The following ZNF292 variants were observed in gnomAD, a reference collection of about 807,000 sequenced individuals.
The protein encoded by ZNF292 is 16 zinc-finger domain protein.
In ZNF292, 26 loss-of-function variants were observed where a neutral mutation model predicts 217.9. That is an observed-to-expected ratio of 0.12 (90% CI 0.09 to 0.17). The LOEUF is 0.17. Among genes scored for constraint, ZNF292 ranks in the 10% least tolerant of loss-of-function variants. The probability of loss-of-function intolerance (pLI) is 1.00; values close to 1 mark genes in which losing one functional copy is unlikely to be tolerated. For missense variants in ZNF292, 2,904 were observed against 3,175.2 expected, an observed-to-expected ratio of 0.91 and a Z score of 2.05; for synonymous variants, 1,257 against 1,124.1, an observed-to-expected ratio of 1.12 and a Z score of -2.37.
chr6:87,221,453 C>T (rs960154141), intron 4 of ZNF292, among the ~76,000 whole-genome samples: 1 of 152,100 alleles, frequency 6.6e-6, no homozygotes, highest in Non-Finnish European at 1.5e-5. Context: ...TTATGTAGTT[C>T]AGTCTATTCT....
rs68087857 is a variant in ZNF292, at chr6:87,204,554, ATTTTTTTT to A, written c.169-11330_169-11323del. On this transcript the variant is annotated intron_variant, in intron 1 of 7. Coordinates refer to ENST00000369577, the MANE Select transcript of ZNF292 (RefSeq NM_015021.3). Reference sequence around the variant, plus strand: ...TAGGATTTGGTTGGTAACATTTAGGATTTTTTTTTTTTTTTTTTTTTTTTTTGATACTA... The same window carrying A: ...TAGGATTTGGTTGGTAACATTTAGGATTTTTTTTTTTTTTTTTTGATACTA... 5.3e-4 allele frequency among the ~76,000 whole-genome samples: 34 copies of A among 63,634 alleles called. 1 individual carries two copies. Among genetic ancestry groups the A allele is most frequent in the African/African-American group, 1.6e-3 (23 of 14,378 alleles). The allele number at this position is 63,634 out of a possible 152,430, so 41.7% of individuals were successfully genotyped here. A position where few individuals can be genotyped will look rare whatever the true frequency, so the allele number is the denominator to read the frequency against.
In ZNF292 at chr6:87,155,711, G is replaced by A; in HGVS notation, c.120G>A (p.Arg40=). 1 of 1,597,472 alleles carries A rather than the reference G, an allele frequency of 6.3e-7. No individual in the cohort carries two copies. The highest frequency in any genetic ancestry group is 8.5e-7 in the Non-Finnish European group (1 of 1,173,820). ...QELELQLRES[R]VPAVEAATDY... is the part of the protein sequence containing the mutation. ...TGGAGCTACAGCTGCGGGAGAGCCG[G>A]GTACCGGCCGTGGAAGCGGCCACCG... is the stretch of plus-strand genomic sequence containing the variant. The change falls in exon 1 of 8, where the codon CGG becomes CGA. Residue 40 remains arginine (R), a synonymous_variant. Coordinates refer to ENST00000369577, the MANE Select transcript of ZNF292 (RefSeq NM_015021.3).
In ZNF292 at chr6:87,257,514, T is replaced by C; in HGVS notation, c.3885T>C (p.Asn1295=). Residue 1295 remains asparagine (N), a synonymous_variant, in exon 8 of 8, where the codon AAT becomes AAC. Coordinates refer to ENST00000369577, the MANE Select transcript of ZNF292 (RefSeq NM_015021.3). ...SVFSQLENNT[N]HYSSQIEGNT... ...TTTCCCAACTGGAAAATAATACAAA[T>C]CATTATTCCTCACAGATTGAAGGAA... The C allele has an allele frequency of 1.2e-6, 2 of 1,609,604 alleles. No individual in the cohort carries two copies. Among genetic ancestry groups the C allele is most frequent in the Non-Finnish European group, 1.7e-6 (2 of 1,177,712 alleles).
In ZNF292 at chr6:87,188,566, A is replaced by C. The variant is rs189658533; in HGVS notation, c.169-27337A>C. 2.3e-3 allele frequency among the ~76,000 whole-genome samples: 344 copies of C among 152,206 alleles called. 2 individuals are homozygous for C. The highest frequency in any genetic ancestry group is 7.5e-3 in the African/African-American group (313 of 41,546). On this transcript the variant is annotated intron_variant, in intron 1 of 7. Coordinates refer to ENST00000369577, the MANE Select transcript of ZNF292 (RefSeq NM_015021.3). ...TTCAGTGGAAGGATAGAGGAGAGCA[A>C]ATCAGATAACACTAATTTGTAACCA...
chr6:87,193,009 A>T (rs1275074731), intron 1 of ZNF292, among the ~76,000 whole-genome samples: 31 of 152,174 alleles, frequency 2.0e-4, no homozygotes, highest in Admixed American at 2.0e-3. Context: ...GTTATTTTCT[A>T]AAGACAGGGT....
intron 5 of ZNF292, among the ~76,000 whole-genome samples, chr6:87,239,373 G>A (rs559038367): frequency 0.012 from 1,531 of 132,054 alleles, 28 homozygotes; most frequent in African/African-American, 0.04. Flanking sequence ...CCTCCCTGAC[G>A]GGGCGGCTGG....
intron 1 of ZNF292, among the ~76,000 whole-genome samples, chr6:87,191,910 C>T (rs953903785): frequency 1.3e-5 from 2 of 152,162 alleles, no homozygotes; most frequent in East Asian, 1.9e-4. Context: ...GATCCACCCC[C>T]CTTGGCCTCC....
At chr6:87,241,818 T>TG (rs1473398617) in intron 5 of ZNF292, among the ~76,000 whole-genome samples, 1 of 152,216 alleles carries the variant, frequency 6.6e-6, no homozygotes, top group African/African-American at 2.4e-5. Flanking sequence ...TTATGATCGT[T>TG]CAGCTTACTA....
intron 1 of ZNF292, among the ~76,000 whole-genome samples, chr6:87,206,991 C>T (rs1772276390): frequency 6.6e-6 from 1 of 152,166 alleles, no homozygotes; most frequent in Admixed American, 6.5e-5. Context: ...TGTGAATTAG[C>T]AGGAGGAGAG....
chr6:87,190,036 C>A (rs1223032533), intron 1 of ZNF292, among the ~76,000 whole-genome samples: 3 of 152,148 alleles, frequency 2.0e-5, no homozygotes, highest in Non-Finnish European at 4.4e-5. Flanking sequence ...CAAATTGTTC[C>A]AACTTTGCCC....
rs552671567 is a variant in ZNF292, at chr6:87,232,026, A to G, written c.539-1299A>G. On this transcript the variant is annotated intron_variant, in intron 4 of 7. Coordinates refer to ENST00000369577, the MANE Select transcript of ZNF292 (RefSeq NM_015021.3). ...TTAAAAAAGAAAAGTAATGCCCTTT[A>G]TCTCATAAAGACATGTAGTCAGAGG... is the stretch of plus-strand genomic sequence containing the variant. Among the ~76,000 whole-genome samples, 19 of 152,304 alleles carry G rather than the reference A, an allele frequency of 1.2e-4. 1 individual carries two copies. The South Asian group carries it at 3.5e-3, about 28-fold the overall frequency.
At chr6:87,181,689 G>T (rs989437146) in intron 1 of ZNF292, among the ~76,000 whole-genome samples, 4 of 147,502 alleles carry the variant, frequency 2.7e-5, no homozygotes, top group Admixed American at 2.0e-4. Flanking sequence ...TTTTTGTTTT[G>T]TTTTTTTTTT....
rs1316285620 is a variant in ZNF292, at chr6:87,218,823, T to A, written c.538+92T>A. On this transcript the variant is annotated intron_variant, in intron 4 of 7. Transcript: ENST00000369577. ...TTTGATATAATTTATCTCAAGATATTCCAAAGAAGGACCATTTAATTAAAT... is the reference window on the plus strand; with the variant it reads ...TTTGATATAATTTATCTCAAGATATACCAAAGAAGGACCATTTAATTAAAT... 4.5e-6 allele frequency: 6 copies of A among 1,344,798 alleles called. No homozygotes were observed. In the African/African-American group the frequency reaches 7.6e-5, roughly 17 times the overall value. 83.3% of individuals were successfully genotyped at this position (1,344,798 alleles called of 1,614,324 possible).
At position 87,259,056 on chromosome 6, in the gene ZNF292, T is replaced by G; in HGVS notation, c.5427T>G (p.Ser1809=). The change falls in exon 8 of 8, where the codon TCT becomes TCG. Residue 1809 remains serine, a synonymous_variant. Transcript: ENST00000369577. ...NTVQNNKLPD[S]SPFSSFISVM... ...TGCAAAATAACAAATTACCCGATTC[T>G]TCTCCGTTTTCCTCCTTTATAAGTG... 6.2e-7 allele frequency: 1 copy of G among 1,613,478 alleles called. No individual in the cohort carries two copies. Among genetic ancestry groups the G allele is most frequent in the Non-Finnish European group, 8.5e-7 (1 of 1,179,660 alleles).
chr6:87,258,214 CCAA>C lies in ZNF292; in HGVS notation c.4586_4588del (p.Pro1529_Asn1530delinsHis). ...ATCACAAGTAAATGCAACGGTGATG[CCAA>C]ATCCAACTGTACCACCCCTGTTGCA... On this transcript the variant is annotated inframe_deletion, in exon 8 of 8. Coordinates refer to ENST00000369577, the MANE Select transcript of ZNF292 (RefSeq NM_015021.3). 1 of 1,611,940 alleles carries C rather than the reference CCAA, an allele frequency of 6.2e-7. No homozygotes were observed. The highest frequency in any genetic ancestry group is 8.5e-7 in the Non-Finnish European group (1 of 1,179,128).
At chr6:87,233,733 A>C (rs1008046450) in intron 5 of ZNF292, 6 of 773,104 alleles carry the variant, frequency 7.8e-6, no homozygotes, top group African/African-American at 1.9e-5. Flanking sequence ...TTCTGTTTTA[A>C]ATAATATACA....
At chr6:87,249,362 A>G (rs1274969724) in intron 7 of ZNF292, 5 of 432,542 alleles carry the variant, frequency 1.2e-5, no homozygotes, top group South Asian at 5.0e-5. Flanking sequence ...CCTGGGCTCA[A>G]GTAATTCTCC....
intron 1 of ZNF292, among the ~76,000 whole-genome samples, chr6:87,177,871 T>G (rs1474378719): frequency 6.6e-6 from 1 of 152,220 alleles, no homozygotes; most frequent in African/African-American, 2.4e-5. Flanking sequence ...AAATTCTAGC[T>G]CATAAACCTT....
At chr6:87,166,918 G>A (rs1207341099) in intron 1 of ZNF292, among the ~76,000 whole-genome samples, 2 of 152,068 alleles carry the variant, frequency 1.3e-5, no homozygotes, top group Non-Finnish European at 2.9e-5. Context: ...CTTGTCCTCA[G>A]ATATTAACAC....
Sources: allele counts gnomAD v4.1 joint callset (sites outside exome capture counted in the v4.1 genomes callset), GRCh38; gene constraint gnomAD v4.1.1; transcripts MANE v1.5; gene names NCBI Gene and HGNC (gene_info 2026-07-23, HGNC 2026-07-21).